The following GLMN variants were observed in gnomAD, a reference collection of about 807,000 sequenced individuals.
The protein encoded by GLMN is glomulin.
GLMN carries 75 observed loss-of-function variants against 87.8 expected under a neutral mutation model. That is an observed-to-expected ratio of 0.85 (90% CI 0.71 to 1.04). The LOEUF (loss-of-function observed/expected upper bound fraction) is 1.04, where lower values mean the gene tolerates loss of function less well. Ranked by LOEUF, GLMN falls within the 50% of genes least tolerant of loss-of-function variation. The pLI is 0.00. For missense variants in GLMN, 588 were observed against 658.8 expected, an observed-to-expected ratio of 0.89 and a Z score of 1.18; for synonymous variants, 206 against 221.6, an observed-to-expected ratio of 0.93 and a Z score of 0.63.
At chr1:92,345,934 T>C in the GLMN span, 1 of 1,524,890 alleles carries the variant, frequency 6.6e-7, no homozygotes, top group South Asian at 1.1e-5. Context: ...CTCTCAGATT[T>C]TAACTCTAAA....
chr1:92,279,873 C>A (rs1025962148), intron 7 of GLMN, among the ~76,000 whole-genome samples: 2 of 152,116 alleles, frequency 1.3e-5, no homozygotes, highest in Non-Finnish European at 2.9e-5. Flanking sequence ...AGTCTGAGAT[C>A]GACCTGCGAG....
rs141566421 is a variant in GLMN at position 92,255,482 on chromosome 1, T to C, written c.1473+7381A>G. On this transcript the variant is annotated intron_variant, in intron 16 of 18. Transcript: ENST00000370360. ...TCTTCTCAGCACCACACAGCACTTATTCTAAAATTGACCACATAATTGGAA... is the reference window on the plus strand; with the variant it reads ...TCTTCTCAGCACCACACAGCACTTACTCTAAAATTGACCACATAATTGGAA... 7.9e-4 allele frequency among the ~76,000 whole-genome samples: 120 copies of C among 152,296 alleles called. 2 individuals carry two copies. The highest frequency in any genetic ancestry group is 4.6e-3 in the South Asian group (22 of 4,820).
In GLMN at chr1:92,255,224, T is replaced by C. The variant is rs375962883; in HGVS notation, c.1474-7235A>G. Reference sequence around the variant, plus strand: ...AGAAGAGCTAACTATCTTAAATATATATAAAGCCAATACAGAAACACCCAG... The same window carrying C: ...AGAAGAGCTAACTATCTTAAATATACATAAAGCCAATACAGAAACACCCAG... On this transcript the variant is annotated intron_variant, in intron 16 of 18. Coordinates refer to ENST00000370360, the MANE Select transcript of GLMN (RefSeq NM_053274.3). 2.4e-4 allele frequency among the ~76,000 whole-genome samples: 36 copies of C among 152,114 alleles called. 1 individual carries two copies. The East Asian group carries it at 2.5e-3, about 11-fold the overall frequency.
At chr1:92,323,846 T>G in the GLMN span, 3 of 1,613,974 alleles carry the variant, frequency 1.9e-6, no homozygotes, top group African/African-American at 1.3e-5. Flanking sequence ...CCTGAAAGAT[T>G]AAAAGCGTCA....
rs943040296 is a variant in GLMN, at chr1:92,291,444, A to G, written c.259T>C (p.Phe87Leu). Residue 87 changes from phenylalanine to leucine, a missense_variant, in exon 4 of 19, where the codon TTT becomes CTT. Coordinates refer to ENST00000370360, the MANE Select transcript of GLMN (RefSeq NM_053274.3). ...DKEDSKRKVY[F>L]LIFDLLVKLC... ...TTTACCAATAAATCAAAGATCAAAA[A>G]ATAAACTTTTCTTTTACTATCCTCT... The G allele has an allele frequency of 6.3e-7, 1 of 1,593,380 alleles. No homozygotes were observed. The highest frequency in any genetic ancestry group is 1.7e-5 in the Admixed American group (1 of 59,964).
the GLMN span, among the ~76,000 whole-genome samples, chr1:92,312,526 G>T: frequency 3.9e-5 from 6 of 152,276 alleles, no homozygotes; most frequent in African/African-American, 1.4e-4. Context: ...GATGTTGACA[G>T]CACCTTCATC....
At chr1:92,354,962 G>A in the GLMN span, among the ~76,000 whole-genome samples, 2 of 151,050 alleles carry the variant, frequency 1.3e-5, no homozygotes, top group Admixed American at 6.6e-5. Flanking sequence ...GCAGTGGCAC[G>A]ATCTCAGCTC....
chr1:92,357,885 T>C, the GLMN span, among the ~76,000 whole-genome samples: 1 of 152,176 alleles, frequency 6.6e-6, no homozygotes, highest in Admixed American at 6.5e-5. Flanking sequence ...GTAATGAAAG[T>C]CATTTAAATT....
intron 18 of GLMN, 44 bp downstream of exon 18, chr1:92,247,018 G>A (rs1309684395): frequency 2.0e-5 from 21 of 1,054,478 alleles, no homozygotes; most frequent in Admixed American, 6.9e-5. Context: ...GCAAGACCCC[G>A]TTTCTAAAGA....
rs1240994920 is a variant in GLMN at position 92,290,283 on chromosome 1, C to A, written c.309G>T (p.Leu103Phe). ...CTTCAATCAGTTCAAGCAAACCCAA[C>A]AATAATTCCTTTGGATTGCATAACT... ...LVKLCNPKEL[L>F]LGLLELIEEP... Residue 103 changes from leucine to phenylalanine, a missense_variant, in exon 5 of 19, where the codon TTG becomes TTT. Physicochemically the swap from Leu to Phe is conservative, Grantham distance 22. Coordinates refer to ENST00000370360, the MANE Select transcript of GLMN (RefSeq NM_053274.3). The A allele has an allele frequency of 1.3e-6, 2 of 1,599,256 alleles. No individual in the cohort carries two copies. Among genetic ancestry groups the A allele is most frequent in the Non-Finnish European group, 8.6e-7 (1 of 1,166,826 alleles).
At chr1:92,269,870 C>CA in intron 8 of GLMN, 94 bp from the exon 9 acceptor site, 2 of 847,618 alleles carry the variant, frequency 2.4e-6, no homozygotes, top group Non-Finnish European at 4.0e-6. Flanking sequence ...GTATCTCCCC[C>CA]AAAAAAGATA....
the GLMN span, among the ~76,000 whole-genome samples, chr1:92,340,649 C>G: frequency 6.6e-6 from 1 of 151,320 alleles, no homozygotes; most frequent in Admixed American, 6.6e-5. Context: ...TTTCTAAAAG[C>G]CCCCCTTAGA....
chr1:92,320,199 G>C, the GLMN span, among the ~76,000 whole-genome samples: 1 of 152,120 alleles, frequency 6.6e-6, no homozygotes, highest in Non-Finnish European at 1.5e-5. Context: ...CCTGAAAAGT[G>C]AGTATAGTTT....
At chr1:92,260,940 C>A (rs1654974287) in intron 16 of GLMN, among the ~76,000 whole-genome samples, 1 of 152,152 alleles carries the variant, frequency 6.6e-6, no homozygotes, top group African/African-American at 2.4e-5. Context: ...AATCTGCTGC[C>A]TTTGTATTAC....
chr1:92,300,036 C>G (rs1368498828), upstream of GLMN, among the ~76,000 whole-genome samples: 1 of 152,202 alleles, frequency 6.6e-6, no homozygotes, highest in Non-Finnish European at 1.5e-5. Flanking sequence ...ACCTGCACAG[C>G]ATGTTACTGT....
chr1:92,255,788 T>C (rs1336475711), intron 16 of GLMN, among the ~76,000 whole-genome samples: 4 of 152,154 alleles, frequency 2.6e-5, no homozygotes, highest in Non-Finnish European at 5.9e-5. Context: ...TTTTTAGCAC[T>C]AAATGCCCAA....
At chr1:92,366,243 C>T in the GLMN span, among the ~76,000 whole-genome samples, 3 of 152,148 alleles carry the variant, frequency 2.0e-5, no homozygotes, top group Non-Finnish European at 4.4e-5. Context: ...TTTGAGGCTG[C>T]AGTGAGCTGT....
intron 7 of GLMN, among the ~76,000 whole-genome samples, chr1:92,282,673 T>C (rs1045179621): frequency 6.6e-6 from 1 of 151,938 alleles, no homozygotes; most frequent in South Asian, 2.1e-4. Flanking sequence ...TCAAAAAAAA[T>C]CAATGAATCC....
upstream of GLMN, chr1:92,298,989 G>A: frequency 3.2e-6 from 2 of 629,912 alleles, no homozygotes; most frequent in Admixed American, 3.6e-5. Context: ...CGCTCTTCTG[G>A]CCCCGCCCCG....
Sources: gnomAD v4.1 joint callset for allele counts (sites outside exome capture counted in the v4.1 genomes callset) on GRCh38, gnomAD v4.1.1 for gene constraint, MANE v1.5 for transcripts, NCBI Gene and HGNC (gene_info 2026-07-23, HGNC 2026-07-21) for gene names.